Variants in PTPRT observed in about 807,000 individuals in gnomAD.
PTPRT encodes the protein receptor-type tyrosine-protein phosphatase T.
In PTPRT, 56 loss-of-function variants were observed where a neutral mutation model predicts 176.8. The observed-to-expected ratio is 0.32, with a 90% CI of 0.26 to 0.40. PTPRT has a LOEUF of 0.40. Among genes scored for constraint, PTPRT ranks in the 10% least tolerant of loss-of-function variants. The pLI is 1.00. For synonymous variants in PTPRT, 783 were observed against 739.0 expected, an observed-to-expected ratio of 1.06 and a Z score of -0.96; for missense variants, 1,540 against 1,908.2, an observed-to-expected ratio of 0.81 and a Z score of 3.60.
intron 9 of PTPRT, among the ~76,000 whole-genome samples, chr20:42,401,947 A>G (rs1196032858): frequency 3.9e-5 from 6 of 152,180 alleles, no homozygotes; most frequent in Non-Finnish European, 5.9e-5. Flanking sequence ...TCTCTACCCT[A>G]CTGGTCACAG....
At chr20:42,401,045 G>A (rs1419271633) in intron 9 of PTPRT, among the ~76,000 whole-genome samples, 1 of 151,932 alleles carries the variant, frequency 6.6e-6, no homozygotes, top group African/African-American at 2.4e-5. Flanking sequence ...TTTTAACCAG[G>A]ACAGGAACAC....
chr20:43,116,902 C>T (rs1250136072), intron 1 of PTPRT, among the ~76,000 whole-genome samples: 1 of 152,108 alleles, frequency 6.6e-6, no homozygotes, highest in Non-Finnish European at 1.5e-5. Context: ...GCACCAAGCC[C>T]AGTGACCCAA....
rs6130027 is a variant in PTPRT, at chr20:42,078,591, A to G, written c.*2288T>C. The G allele has an allele frequency of 0.31, 58,133 of 185,770 alleles. 10,046 individuals are homozygous for G. Among genetic ancestry groups the G allele is most frequent in the South Asian group, 0.42 (2,153 of 5,090 alleles). 11.5% of individuals were successfully genotyped at this position (185,770 alleles called of 1,614,324 possible). A position where few individuals can be genotyped will look rare whatever the true frequency, so the allele number is the denominator to read the frequency against. On this transcript the variant is annotated 3_prime_UTR_variant, in exon 31 of 31. Coordinates refer to ENST00000373187, the MANE Select transcript of PTPRT (RefSeq NM_007050.6). Reference sequence around the variant, plus strand: ...TCTTGGCCAACACGAAGCTGAGTGCATCTCTCTAAAGCTCCATGGACTCCT... The same window carrying G: ...TCTTGGCCAACACGAAGCTGAGTGCGTCTCTCTAAAGCTCCATGGACTCCT...
chr20:42,330,867 A>C (rs2057955967), intron 11 of PTPRT, among the ~76,000 whole-genome samples: 1 of 152,184 alleles, frequency 6.6e-6, no homozygotes, highest in Non-Finnish European at 1.5e-5. Flanking sequence ...ATCACCTAAA[A>C]AGAAATGTGT....
chr20:42,946,677 C>T (rs1286883473), intron 1 of PTPRT, among the ~76,000 whole-genome samples: 1 of 152,162 alleles, frequency 6.6e-6, no homozygotes, highest in Non-Finnish European at 1.5e-5. Flanking sequence ...GGAGTATCAG[C>T]AACATGTACC....
At chr20:43,071,510 C>T (rs538512330) in intron 1 of PTPRT, among the ~76,000 whole-genome samples, 2 of 152,098 alleles carry the variant, frequency 1.3e-5, no homozygotes, top group Non-Finnish European at 2.9e-5. Context: ...TCAGGCCAGG[C>T]GCGGTGGCTC....
chr20:42,244,961 T>C (rs2056422979), intron 14 of PTPRT, among the ~76,000 whole-genome samples: 1 of 152,138 alleles, frequency 6.6e-6, no homozygotes, highest in African/African-American at 2.4e-5. Flanking sequence ...GGAGGATGTC[T>C]AACAGTTCTA....
intron 14 of PTPRT, among the ~76,000 whole-genome samples, chr20:42,240,203 C>T (rs2056325373): frequency 6.6e-6 from 1 of 152,234 alleles, no homozygotes. Flanking sequence ...AGCAAGGCAA[C>T]TCCAGGATAA....
intron 7 of PTPRT, among the ~76,000 whole-genome samples, chr20:42,580,908 C>A (rs577499538): frequency 2.6e-5 from 4 of 152,248 alleles, no homozygotes; most frequent in South Asian, 2.1e-4. Context: ...CCTTCTCCTG[C>A]CTGATTGCCC....
intron 1 of PTPRT, among the ~76,000 whole-genome samples, chr20:43,022,983 CA>C (rs1166855567): frequency 1.3e-5 from 2 of 152,188 alleles, no homozygotes; most frequent in Non-Finnish European, 2.9e-5. Context: ...AAAATGGTTC[CA>C]GGGGCAAAGG....
At chr20:42,036,552 T>C in the PTPRT span, among the ~76,000 whole-genome samples, 1 of 152,176 alleles carries the variant, frequency 6.6e-6, no homozygotes, top group Non-Finnish European at 1.5e-5. Flanking sequence ...TTATTGCACC[T>C]CCAGCAGTGC....
chr20:42,853,480 T>A (rs974858876), intron 2 of PTPRT, among the ~76,000 whole-genome samples: 1 of 152,024 alleles, frequency 6.6e-6, no homozygotes, highest in Admixed American at 6.5e-5. Flanking sequence ...GAACCCAGGA[T>A]GAGAAGGTGT....
At chr20:42,279,035 ATTGCTCT>A (rs2057095750) in intron 13 of PTPRT, among the ~76,000 whole-genome samples, 1 of 152,056 alleles carries the variant, frequency 6.6e-6, no homozygotes, top group Non-Finnish European at 1.5e-5. Flanking sequence ...TGATTTTTAA[ATTGCTCT>A]TTTTTGCTCT....
At chr20:42,464,267 GC>G (rs1236992202) in intron 8 of PTPRT, among the ~76,000 whole-genome samples, 4 of 152,158 alleles carry the variant, frequency 2.6e-5, no homozygotes, top group African/African-American at 9.7e-5. Flanking sequence ...TCAACAACGA[GC>G]CCATACTATG....
intron 1 of PTPRT, among the ~76,000 whole-genome samples, chr20:42,898,275 A>G (rs2079339166): frequency 6.6e-6 from 1 of 152,100 alleles, no homozygotes; most frequent in Non-Finnish European, 1.5e-5. Context: ...GTGTCATATC[A>G]TAGCTCACTT....
At chr20:42,875,263 T>C (rs1026604246) in intron 2 of PTPRT, among the ~76,000 whole-genome samples, 3 of 152,232 alleles carry the variant, frequency 2.0e-5, no homozygotes, top group Non-Finnish European at 2.9e-5. Flanking sequence ...TGTTAGGACA[T>C]TGTTAGGAAA....
intron 15 of PTPRT, among the ~76,000 whole-genome samples, chr20:42,234,353 A>G (rs2056196102): frequency 6.6e-6 from 1 of 152,246 alleles, no homozygotes; most frequent in South Asian, 2.1e-4. Context: ...CCAAGGCTCT[A>G]TAACCAGTGC....
intron 11 of PTPRT, among the ~76,000 whole-genome samples, chr20:42,316,215 A>T (rs1381918006): frequency 6.6e-6 from 1 of 152,034 alleles, no homozygotes; most frequent in Non-Finnish European, 1.5e-5. Flanking sequence ...CACATCTAAA[A>T]CTCAACTTAG....
At chr20:42,501,868 T>C (rs1437070991) in intron 7 of PTPRT, among the ~76,000 whole-genome samples, 1 of 152,160 alleles carries the variant, frequency 6.6e-6, no homozygotes, top group Non-Finnish European at 1.5e-5. Context: ...TGCCTTCATT[T>C]TTTTTGTCCT....
Sources: gnomAD v4.1 joint callset for allele counts (sites outside exome capture counted in the v4.1 genomes callset) on GRCh38, gnomAD v4.1.1 for gene constraint, MANE v1.5 for transcripts, NCBI Gene and HGNC (gene_info 2026-07-23, HGNC 2026-07-21) for gene names.